OPHN1: variants seen among roughly 807,000 people sequenced by gnomAD.
The protein encoded by OPHN1 is oligophrenin-1.
Under a neutral mutation model 60.7 loss-of-function variants are expected in OPHN1, and 11 were observed. The ratio of observed to expected loss-of-function variants is 0.18; its 90% confidence interval spans 0.11 to 0.30. The LOEUF is 0.30. Among genes scored for constraint, OPHN1 ranks in the 10% least tolerant of loss-of-function variants. The pLI, the probability that OPHN1 is intolerant of heterozygous loss-of-function variation, is 1.00. For missense variants in OPHN1, 449 were observed against 611.0 expected, an observed-to-expected ratio of 0.73 and a Z score of 2.80; for synonymous variants, 226 against 222.6, an observed-to-expected ratio of 1.02 and a Z score of -0.14.
intron 4 of OPHN1, among the ~76,000 whole-genome samples, chrX:68,279,101 CTTTTTTTTTTTTTTTT>C (rs984725368): frequency 3.2e-4 from 7 of 21,784 alleles, no homozygotes; most frequent in Non-Finnish European, 4.3e-4. Flanking sequence ...CTCCCCCGCT[CTTTTTTTTTTTTTTTT>C]TTTTTTTTTT....
intron 2 of OPHN1, among the ~76,000 whole-genome samples, chrX:68,346,027 C>A (rs1348050048): frequency 9.0e-6 from 1 of 111,347 alleles, no homozygotes; most frequent in Non-Finnish European, 1.9e-5. Flanking sequence ...TACTAGGGGG[C>A]TGAGGTGGGA....
chrX:68,201,912 T>C (rs2077536972), intron 10 of OPHN1, among the ~76,000 whole-genome samples: 1 of 111,207 alleles, frequency 9.0e-6, no homozygotes, highest in African/African-American at 3.3e-5. Context: ...CAAGAATCAA[T>C]GGCTGAGACC....
chrX:68,122,671 C>A (rs1463834416), intron 15 of OPHN1, among the ~76,000 whole-genome samples: 2 of 110,373 alleles, frequency 1.8e-5, no homozygotes, highest in Non-Finnish European at 3.8e-5. Flanking sequence ...AAAAATCAAG[C>A]AGAAATTCTG....
intron 21 of OPHN1, among the ~76,000 whole-genome samples, chrX:68,059,821 A>G (rs2076886712): frequency 1.8e-5 from 2 of 111,194 alleles, no homozygotes; most frequent in African/African-American, 6.5e-5. Flanking sequence ...GTCCCAGTCC[A>G]TGGTGTGCTC....
chrX:68,373,781 A>G (rs1441226553), intron 2 of OPHN1, among the ~76,000 whole-genome samples: 1 of 111,479 alleles, frequency 9.0e-6, no homozygotes, highest in Non-Finnish European at 1.9e-5. Context: ...TCCTTTAACC[A>G]CATGAACTAC....
intron 15 of OPHN1, chrX:68,132,964 C>A: frequency 2.2e-6 from 1 of 451,535 alleles, no homozygotes; most frequent in Non-Finnish European, 4.0e-6. Context: ...CTCTGCCCAG[C>A]CCCACTCCGG....
At chrX:68,094,172 C>T (rs1218517515) in intron 19 of OPHN1, among the ~76,000 whole-genome samples, 1 of 110,837 alleles carries the variant, frequency 9.0e-6, no homozygotes, top group Non-Finnish European at 1.9e-5. Flanking sequence ...CCCTCTCTCC[C>T]TTGAAATGCT....
chrX:68,142,040 G>A (rs980971884), intron 15 of OPHN1, among the ~76,000 whole-genome samples: 1 of 111,740 alleles, frequency 8.9e-6, no homozygotes, highest in Non-Finnish European at 1.9e-5. Context: ...TGAAAATGAT[G>A]TTCACAACCG....
chrX:68,362,731 C>T (rs991223149), intron 2 of OPHN1, among the ~76,000 whole-genome samples: 10 of 110,907 alleles, frequency 9.0e-5, no homozygotes, highest in African/African-American at 3.3e-4. Flanking sequence ...CATGTCACTA[C>T]GCATTTGTCA....
chrX:68,370,597 T>C (rs1399575980), intron 2 of OPHN1, among the ~76,000 whole-genome samples: 1 of 111,483 alleles, frequency 9.0e-6, no homozygotes, highest in Non-Finnish European at 1.9e-5. Flanking sequence ...CAGGCAAATA[T>C]AAAAGCCAGC....
chrX:68,401,487 A>G (rs2078714356), intron 2 of OPHN1, among the ~76,000 whole-genome samples: 1 of 112,398 alleles, frequency 8.9e-6, no homozygotes, highest in Non-Finnish European at 1.9e-5. Flanking sequence ...GTACCGTAAC[A>G]CAATTGTACA....
intron 5 of OPHN1, among the ~76,000 whole-genome samples, chrX:68,273,560 C>A (rs2147592620): frequency 8.9e-6 from 1 of 112,440 alleles, no homozygotes; most frequent in African/African-American, 3.2e-5. Flanking sequence ...TGTATTTTAT[C>A]TGCACTGTCC....
intron 5 of OPHN1, among the ~76,000 whole-genome samples, chrX:68,241,620 T>G (rs1192441355): frequency 1.8e-5 from 2 of 111,675 alleles, no homozygotes; most frequent in Non-Finnish European, 3.8e-5. Flanking sequence ...AATGAACTCT[T>G]AAAACTCAAC....
intron 5 of OPHN1, among the ~76,000 whole-genome samples, chrX:68,250,234 G>A (rs1358508076): frequency 6.2e-5 from 7 of 112,313 alleles, no homozygotes; most frequent in Non-Finnish European, 1.3e-4. Context: ...AACCTTGTAA[G>A]AGTTCATAAA....
At chrX:68,353,276 T>G (rs1163574731) in intron 2 of OPHN1, among the ~76,000 whole-genome samples, 1 of 107,728 alleles carries the variant, frequency 9.3e-6, no homozygotes, top group African/African-American at 3.4e-5. Context: ...CTATTTAAAG[T>G]GTAAAAAGTA....
At chrX:68,207,021 C>T (rs182173083) in intron 9 of OPHN1, among the ~76,000 whole-genome samples, 2 of 111,664 alleles carry the variant, frequency 1.8e-5, no homozygotes, top group African/African-American at 6.5e-5. Context: ...GGGTTATGCC[C>T]CTTCTAACCT....
Position 68,192,970 on chromosome X carries a change from G to A in OPHN1, c.1225C>T (p.Arg409Cys), listed in dbSNP as rs1064795031. ...TKGIKTEGLY[R>C]TVGSNIQVQK... is the part of the protein sequence containing the mutation. The stretch of plus-strand genomic sequence containing the variant: ...ACCTGAATATTGCTGCCCACAGTGC[G>A]GTACAACCCTTCTGTCTTGATCCCT... The change falls in exon 15 of 25, where the codon CGC becomes TGC. Residue 409 changes from arginine (R) to cysteine (C), a missense_variant. Coordinates refer to ENST00000355520, the MANE Select transcript of OPHN1 (RefSeq NM_002547.3). 1 of 1,209,906 alleles carries A rather than the reference G, an allele frequency of 8.3e-7. No individual in the cohort carries two copies. Among genetic ancestry groups the A allele is most frequent in the Non-Finnish European group, 1.1e-6 (1 of 894,018 alleles).
chrX:68,134,210 A>G (rs1409908923), intron 15 of OPHN1, among the ~76,000 whole-genome samples: 1 of 111,359 alleles, frequency 9.0e-6, no homozygotes, highest in African/African-American at 3.3e-5. Flanking sequence ...AAAAAACAAA[A>G]AAAAAATTGC....
In OPHN1 at chrX:68,064,214, T is replaced by C. The variant is rs367734254; in HGVS notation, c.1835-37A>G. On this transcript the variant is annotated intron_variant, in intron 20 of 24. Coordinates refer to ENST00000355520, the MANE Select transcript of OPHN1 (RefSeq NM_002547.3). ...TGGTGCCAAGAGGGAAGATTAATGA[T>C]AACTTTTAAAACCTTTTCATTTTGA... 222 of 1,168,430 alleles carry C rather than the reference T, an allele frequency of 1.9e-4. 4 individuals carry two copies. Among genetic ancestry groups the C allele is most frequent in the East Asian group, 1.8e-3 (61 of 33,560 alleles).
Sources: allele counts gnomAD v4.1 joint callset (sites outside exome capture counted in the v4.1 genomes callset), GRCh38; gene constraint gnomAD v4.1.1; transcripts MANE v1.5; gene names NCBI Gene and HGNC (gene_info 2026-07-23, HGNC 2026-07-21).